Variants in ZNF892 observed in about 807,000 individuals in gnomAD.
The protein encoded by ZNF892 is zinc finger protein 892, also known as zinc finger protein 570-like.
the ZNF892 span, among the ~76,000 whole-genome samples, chr2:95,231,304 G>A: frequency 3.0e-4 from 46 of 152,146 alleles, no homozygotes; most frequent in African/African-American, 1.1e-3. Context: ...ACTACAGTAC[G>A]TATTACATTA....
At chr2:95,220,681 G>C in the ZNF892 span, among the ~76,000 whole-genome samples, 1 of 152,062 alleles carries the variant, frequency 6.6e-6, no homozygotes, top group South Asian at 2.1e-4. Context: ...TATAACCTAA[G>C]GGTTTGTGGT....
the ZNF892 span, among the ~76,000 whole-genome samples, chr2:95,229,227 A>C: frequency 6.6e-6 from 1 of 152,214 alleles, no homozygotes; most frequent in Non-Finnish European, 1.5e-5. Context: ...GACCTGTCTC[A>C]GATTTTCCAG....
the ZNF892 span, among the ~76,000 whole-genome samples, chr2:95,239,364 G>T: frequency 6.6e-6 from 1 of 152,162 alleles, no homozygotes; most frequent in South Asian, 2.1e-4. Flanking sequence ...CAAAGCTGCA[G>T]CAGGGTTTAA....
At chr2:95,256,149 G>T in the ZNF892 span, among the ~76,000 whole-genome samples, 1 of 152,208 alleles carries the variant, frequency 6.6e-6, no homozygotes, top group Non-Finnish European at 1.5e-5. Flanking sequence ...ATTAGTTGAT[G>T]CAGTTTCTTC....
the ZNF892 span, among the ~76,000 whole-genome samples, chr2:95,244,582 C>A: frequency 6.6e-6 from 1 of 152,148 alleles, no homozygotes; most frequent in African/African-American, 2.4e-5. Context: ...GACTCCCACA[C>A]AATAATAGTG....
At chr2:95,223,730 C>T in the ZNF892 span, among the ~76,000 whole-genome samples, 6 of 152,120 alleles carry the variant, frequency 3.9e-5, no homozygotes, top group Non-Finnish European at 7.4e-5. Flanking sequence ...ATTTATATAC[C>T]ATAAAATTCA....
the ZNF892 span, among the ~76,000 whole-genome samples, chr2:95,261,896 G>A: frequency 8.5e-5 from 13 of 152,186 alleles, no homozygotes; most frequent in Admixed American, 7.2e-4. Context: ...AATGGGCCCC[G>A]TGCAGGCATT....
the ZNF892 span, chr2:95,214,401 G>T: frequency 7.5e-6 from 3 of 398,380 alleles, no homozygotes; most frequent in Admixed American, 4.4e-5. Context: ...AGAAGAATCG[G>T]CTCCTGGGGT....
At chr2:95,260,103 A>G in the ZNF892 span, among the ~76,000 whole-genome samples, 1 of 152,220 alleles carries the variant, frequency 6.6e-6, no homozygotes, top group Non-Finnish European at 1.5e-5. Context: ...AACATATCAC[A>G]GAACCAAGGC....
chr2:95,261,101 G>C, the ZNF892 span, among the ~76,000 whole-genome samples: 2 of 152,252 alleles, frequency 1.3e-5, no homozygotes, highest in Admixed American at 1.3e-4. Context: ...TGAGTTTTCA[G>C]TGCCAGGATC....
chr2:95,223,196 T>G, the ZNF892 span, among the ~76,000 whole-genome samples: 2 of 152,222 alleles, frequency 1.3e-5, no homozygotes, highest in Non-Finnish European at 2.9e-5. Context: ...AATTTATTCT[T>G]TTTCTAATTT....
At chr2:95,256,418 G>C in the ZNF892 span, among the ~76,000 whole-genome samples, 2 of 152,212 alleles carry the variant, frequency 1.3e-5, no homozygotes, top group Non-Finnish European at 2.9e-5. Context: ...TTTCTGGCTT[G>C]TAGAGTTTCT....
At chr2:95,211,299 A>G in the ZNF892 span, among the ~76,000 whole-genome samples, 1 of 152,240 alleles carries the variant, frequency 6.6e-6, no homozygotes, top group African/African-American at 2.4e-5. Context: ...TTTTTCCTGT[A>G]TAAGTAGTAG....
chr2:95,210,447 A>C, the ZNF892 span, among the ~76,000 whole-genome samples: 1 of 152,146 alleles, frequency 6.6e-6, no homozygotes. Context: ...TAACAGATTC[A>C]AAAGAGCATT....
the ZNF892 span, among the ~76,000 whole-genome samples, chr2:95,253,028 C>G: frequency 6.6e-6 from 1 of 152,118 alleles, no homozygotes; most frequent in Admixed American, 6.5e-5. Context: ...TTCTCCCATT[C>G]TATAGGTTGC....
the ZNF892 span, chr2:95,214,599 G>A: frequency 9.8e-4 from 392 of 399,168 alleles, 1 homozygote; most frequent in African/African-American, 5.3e-3. Context: ...TCAGCAGCAA[G>A]GAGAGAGACT....
the ZNF892 span, among the ~76,000 whole-genome samples, chr2:95,252,355 G>T: frequency 1.3e-5 from 2 of 151,222 alleles, no homozygotes; most frequent in Admixed American, 6.6e-5. Flanking sequence ...TTGTCCTTGT[G>T]AGAGTTTGCT....
chr2:95,219,031 C>T, the ZNF892 span, among the ~76,000 whole-genome samples: 4 of 152,128 alleles, frequency 2.6e-5, no homozygotes, highest in Non-Finnish European at 2.9e-5. Context: ...GAGGGAGTCT[C>T]GCTCTTGTCC....
At chr2:95,233,140 G>GT in the ZNF892 span, among the ~76,000 whole-genome samples, 2 of 151,206 alleles carry the variant, frequency 1.3e-5, no homozygotes, top group Non-Finnish European at 3.0e-5. Context: ...CTCCAAATTA[G>GT]TTTTTTTGTT....
Sources: allele counts gnomAD v4.1 joint callset (sites outside exome capture counted in the v4.1 genomes callset), GRCh38; gene constraint gnomAD v4.1.1; transcripts MANE v1.5; gene names NCBI Gene and HGNC (gene_info 2026-07-23, HGNC 2026-07-21).